ANO3: variants seen among roughly 807,000 people sequenced by gnomAD.
ANO3 encodes the protein anoctamin-3.
ANO3 carries 99 observed loss-of-function variants against 144.8 expected under a neutral mutation model. The ratio of observed to expected loss-of-function variants is 0.68; its 90% CI spans 0.58 to 0.81. ANO3 has a LOEUF of 0.81. ANO3 is among the 30% of genes least tolerant of loss of function. The pLI is 0.00. For missense variants in ANO3, 905 were observed against 1,202.2 expected, an observed-to-expected ratio of 0.75 and a Z score of 3.66; for synonymous variants, 414 against 392.6, an observed-to-expected ratio of 1.05 and a Z score of -0.64.
chr11:26,365,975 T>TTTTTTTTTTTTTA (rs1856063352), intron 1 of ANO3, among the ~76,000 whole-genome samples: 3 of 87,544 alleles, frequency 3.4e-5, no homozygotes, highest in Non-Finnish European at 7.6e-5. Flanking sequence ...TATATATATA[T>TTTTTTTTTTTTTA]ATATATATAT....
intron 17 of ANO3, among the ~76,000 whole-genome samples, chr11:26,615,976 T>C (rs1852249053): frequency 6.6e-6 from 1 of 152,222 alleles, no homozygotes; most frequent in East Asian, 1.9e-4. Flanking sequence ...TTGTATTTTG[T>C]CTTTCTATCA....
rs148588040 is a variant in ANO3 at position 26,205,733 on chromosome 11, C to A, written c.154+16403C>A. ...CCTCATAAACGGTATACTGTATAGT[C>A]ATATTTCCAAGTAAAATGGCAGTTG... On this transcript the variant is annotated intron_variant, in intron 1 of 27. Coordinates refer to the ANO3 transcript ENST00000672621. Among the ~76,000 whole-genome samples the A allele has an allele frequency of 3.0e-4, 46 of 152,254 alleles. 1 individual carries two copies. In the East Asian group the frequency reaches 8.1e-3, roughly 27 times the overall value.
intron 3 of ANO3, among the ~76,000 whole-genome samples, chr11:26,450,041 C>T (rs1222453992): frequency 6.6e-6 from 1 of 152,172 alleles, no homozygotes; most frequent in African/African-American, 2.4e-5. Flanking sequence ...CAGGGGTGAG[C>T]CACTGTGCCC....
intron 14 of ANO3, among the ~76,000 whole-genome samples, chr11:26,582,757 A>G (rs1191574700): frequency 1.3e-5 from 2 of 152,190 alleles, no homozygotes. Flanking sequence ...ATATTAATTA[A>G]AGGCCAACTG....
chr11:26,490,542 A>T (rs1190208552), intron 4 of ANO3, among the ~76,000 whole-genome samples: 2 of 152,204 alleles, frequency 1.3e-5, no homozygotes, highest in African/African-American at 4.8e-5. Context: ...GTCCTGAGAG[A>T]TTGGATTTCT....
chr11:26,479,515 G>A (rs1860123826), intron 4 of ANO3, among the ~76,000 whole-genome samples: 2 of 152,082 alleles, frequency 1.3e-5, no homozygotes, highest in Non-Finnish European at 2.9e-5. Flanking sequence ...GTGGGGGCAG[G>A]CAGAGAGTTT....
intron 1 of ANO3, among the ~76,000 whole-genome samples, chr11:26,271,021 G>C (rs1204451624): frequency 6.6e-6 from 1 of 152,200 alleles, no homozygotes; most frequent in Non-Finnish European, 1.5e-5. Flanking sequence ...AGGGACAAAA[G>C]AAAAGCTTGG....
intron 1 of ANO3, among the ~76,000 whole-genome samples, chr11:26,194,341 T>A (rs1181383155): frequency 6.6e-6 from 1 of 152,110 alleles, no homozygotes; most frequent in Non-Finnish European, 1.5e-5. Context: ...AGTAATTTTA[T>A]TCATTTTAAC....
At chr11:26,632,582 T>TCA in intron 18 of ANO3, among the ~76,000 whole-genome samples, 1 of 147,046 alleles carries the variant, frequency 6.8e-6, no homozygotes, top group African/African-American at 2.5e-5. Context: ...AATATACGTT[T>TCA]TATATATATA....
chr11:26,274,345 T>G (rs2133838901), intron 1 of ANO3, among the ~76,000 whole-genome samples: 1 of 152,276 alleles, frequency 6.6e-6, no homozygotes, highest in Non-Finnish European at 1.5e-5. Context: ...TGCTTGTGAA[T>G]GGTTCATAAT....
chr11:26,458,416 G>T (rs542798306), intron 3 of ANO3, among the ~76,000 whole-genome samples: 24 of 152,218 alleles, frequency 1.6e-4, no homozygotes, highest in African/African-American at 5.8e-4. Flanking sequence ...ATATCTGTGA[G>T]GGAGAGAGGA....
chr11:26,211,360 G>C (rs1220775578), intron 1 of ANO3, among the ~76,000 whole-genome samples: 1 of 152,044 alleles, frequency 6.6e-6, no homozygotes, highest in Non-Finnish European at 1.5e-5. Flanking sequence ...CTAATGCCGT[G>C]TTTAGAGGGA....
chr11:26,553,003 C>CACAAGTGTAAAAACGGCCTGTTATCATT (rs145559609), intron 12 of ANO3, among the ~76,000 whole-genome samples: 1 of 151,596 alleles, frequency 6.6e-6, no homozygotes, highest in Non-Finnish European at 1.5e-5. Flanking sequence ...CCATTTATCA[C>CACAAGTGTAAAAACGGCCTGTTATCATT]ACAATTATCT....
At position 26,599,604 on chromosome 11, in the gene ANO3, A is replaced by G; in HGVS notation, c.1726A>G (p.Met576Val). 1 of 1,614,150 alleles carries G rather than the reference A, an allele frequency of 6.2e-7. No homozygotes were observed. Among genetic ancestry groups the G allele is most frequent in the South Asian group, 1.1e-5 (1 of 91,086 alleles). ...AGTTGTGGTGTACCGCCTGGTTGTC[A>G]TGGAACAGTTTGCATCATTCAAGTG... The part of the protein sequence containing the change: ...FGVVVYRLVV[M>V]EQFASFKWNF... Residue 576 changes from methionine to valine, a missense_variant, in exon 17 of 27, where the codon ATG becomes GTG. Coordinates refer to ENST00000256737, the MANE Select transcript of ANO3 (RefSeq NM_031418.4).
At chr11:26,416,162 T>C (rs1254749854) in intron 1 of ANO3, among the ~76,000 whole-genome samples, 1 of 152,056 alleles carries the variant, frequency 6.6e-6, no homozygotes, top group African/African-American at 2.4e-5. Context: ...CTAAGTAAAA[T>C]AGTATGCATT....
At chr11:26,348,366 T>TG (rs1387381092) in intron 1 of ANO3, among the ~76,000 whole-genome samples, 2 of 152,220 alleles carry the variant, frequency 1.3e-5, no homozygotes, top group African/African-American at 4.8e-5. Flanking sequence ...GAAAGGCATA[T>TG]GACCTTCCTT....
In ANO3 at chr11:26,557,137, C is replaced by T. The variant is rs186874993; in HGVS notation, c.1387-2582C>T. 2.0e-5 allele frequency among the ~76,000 whole-genome samples: 3 copies of T among 152,068 alleles called. No individual in the cohort carries two copies. The East Asian group carries it at 5.8e-4, about 29-fold the overall frequency. Reference sequence around the variant, plus strand: ...CAAGCTTTTAGGCTAAGTTTGCTACCTTCTTTATATATTATGCCTAGTCAT... The same window carrying T: ...CAAGCTTTTAGGCTAAGTTTGCTACTTTCTTTATATATTATGCCTAGTCAT... On this transcript the variant is annotated intron_variant, in intron 13 of 26. Coordinates refer to ENST00000256737, the MANE Select transcript of ANO3 (RefSeq NM_031418.4).
At chr11:26,200,337 C>T (rs148432363) in intron 1 of ANO3, among the ~76,000 whole-genome samples, 53 of 152,278 alleles carry the variant, frequency 3.5e-4, no homozygotes, top group Non-Finnish European at 5.7e-4. Flanking sequence ...AGAACACTTT[C>T]CTTTTCTTCA....
At chr11:26,488,306 A>C (rs1292375297) in intron 4 of ANO3, among the ~76,000 whole-genome samples, 1 of 152,068 alleles carries the variant, frequency 6.6e-6, no homozygotes, top group East Asian at 1.9e-4. Context: ...GGCTGCAGAA[A>C]TTGCATAAGT....
Sources: allele counts gnomAD v4.1 joint callset (sites outside exome capture counted in the v4.1 genomes callset), GRCh38; gene constraint gnomAD v4.1.1; transcripts MANE v1.5; gene names NCBI Gene and HGNC (gene_info 2026-07-23, HGNC 2026-07-21).